NUP155: variants seen among roughly 807,000 people sequenced by gnomAD.
NUP155 encodes nucleoporin 155.
Under a neutral mutation model 180.4 loss-of-function variants are expected in NUP155, and 71 were observed. The ratio of observed to expected loss-of-function variants is 0.39; its 90% CI spans 0.33 to 0.48. The LOEUF (loss-of-function observed/expected upper bound fraction) is 0.48. NUP155 is among the 20% of genes least tolerant of loss of function. The pLI is 0.91. For synonymous variants in NUP155, 582 were observed against 559.5 expected, an observed-to-expected ratio of 1.04 and a Z score of -0.57; for missense variants, 1,553 against 1,648.9, an observed-to-expected ratio of 0.94 and a Z score of 1.01.
intron 4 of NUP155, among the ~76,000 whole-genome samples, chr5:37,355,563 T>A (rs9292652): frequency 0.14 from 20,402 of 142,906 alleles, 1,502 homozygotes; most frequent in South Asian, 0.18. Context: ...ATATATATAT[T>A]TATTTATTTG....
intron 32 of NUP155, among the ~76,000 whole-genome samples, chr5:37,295,153 TCTC>T (rs1363045542): frequency 6.6e-6 from 1 of 152,114 alleles, no homozygotes; most frequent in Non-Finnish European, 1.5e-5. Flanking sequence ...CCTGCCTGAT[TCTC>T]CTGCCTCAGC....
intron 22 of NUP155, among the ~76,000 whole-genome samples, chr5:37,312,048 T>C (rs1041302624): frequency 6.6e-5 from 10 of 151,886 alleles, no homozygotes; most frequent in Non-Finnish European, 7.4e-5. Context: ...AACAAACAAA[T>C]AAATAAATAT....
intron 3 of NUP155, among the ~76,000 whole-genome samples, chr5:37,362,120 C>T (rs530501250): frequency 2.0e-5 from 3 of 152,058 alleles, no homozygotes; most frequent in African/African-American, 4.8e-5. Context: ...TTTAGCAGCT[C>T]GGACTAAGAC....
chr5:37,344,321 G>A (rs1745933340), intron 9 of NUP155, among the ~76,000 whole-genome samples: 1 of 140,640 alleles, frequency 7.1e-6, no homozygotes, highest in Non-Finnish European at 1.5e-5. Context: ...CAGACTGGGT[G>A]ACAGAGCAAA....
In NUP155 at chr5:37,370,346, T is replaced by C. The variant is rs889858725; in HGVS notation, c.157+475A>G. 1.0e-3 allele frequency among the ~76,000 whole-genome samples: 159 copies of C among 152,350 alleles called. 1 individual carries two copies. The highest frequency in any genetic ancestry group is 3.6e-3 in the African/African-American group (149 of 41,586). ...GAGATCGCGCCATTGCACTTCAGCC[T>C]GGGCGAAGAGGGAACCGCTCCGTCT... On this transcript the variant is annotated intron_variant, in intron 1 of 34. Transcript: ENST00000231498.
intron 22 of NUP155, among the ~76,000 whole-genome samples, chr5:37,311,905 C>T (rs1417501768): frequency 6.6e-6 from 1 of 152,156 alleles, no homozygotes; most frequent in Non-Finnish European, 1.5e-5. Context: ...CCTGTAGTCC[C>T]AGCTACTCGG....
chr5:37,298,777 T>A, intron 32 of NUP155, 91 bp downstream of exon 32: 1 of 764,476 alleles, frequency 1.3e-6, no homozygotes, highest in Non-Finnish European at 2.3e-6. Context: ...AGAAACTCTT[T>A]ATTTTACTCG....
intron 13 of NUP155, among the ~76,000 whole-genome samples, chr5:37,332,382 C>T (rs981837123): frequency 5.3e-5 from 7 of 132,872 alleles, no homozygotes; most frequent in Non-Finnish European, 7.6e-5. Flanking sequence ...AGTGCAGTGG[C>T]GCAATCTCGG....
chr5:37,354,456 T>TC (rs1746678394), intron 4 of NUP155, among the ~76,000 whole-genome samples: 1 of 134,160 alleles, frequency 7.5e-6, no homozygotes, highest in African/African-American at 3.2e-5. Context: ...CTTTATTTCT[T>TC]CTTTTTTTTT....
chr5:37,334,611 C>T (rs987694137), intron 12 of NUP155, among the ~76,000 whole-genome samples: 1 of 152,088 alleles, frequency 6.6e-6, no homozygotes, highest in Non-Finnish European at 1.5e-5. Flanking sequence ...AAACTCCTGA[C>T]CTCAGGTGAT....
At chr5:37,346,054 T>C (rs778639303) in intron 9 of NUP155, among the ~76,000 whole-genome samples, 41 of 152,122 alleles carry the variant, frequency 2.7e-4, no homozygotes, top group Non-Finnish European at 4.9e-4. Context: ...AGAATTTTTT[T>C]CTTGTCACTG....
chr5:37,310,040 T>A (rs13166945), intron 23 of NUP155, among the ~76,000 whole-genome samples: 37,658 of 151,574 alleles, frequency 0.25, 5,090 homozygotes, highest in Middle Eastern at 0.4. Flanking sequence ...ATATTCTTTA[T>A]GAAAAACTTA....
intron 5 of NUP155, among the ~76,000 whole-genome samples, chr5:37,351,942 G>A (rs776009599): frequency 7.9e-5 from 12 of 152,050 alleles, no homozygotes; most frequent in Non-Finnish European, 1.6e-4. Flanking sequence ...AACTAACCCG[G>A]CCGGGTGCCG....
At chr5:37,346,618 G>A (rs576158481) in intron 9 of NUP155, among the ~76,000 whole-genome samples, 1 of 151,884 alleles carries the variant, frequency 6.6e-6, no homozygotes, top group East Asian at 1.9e-4. Flanking sequence ...GTTGTAGGGA[G>A]CCAAGTCGCG....
intron 9 of NUP155, among the ~76,000 whole-genome samples, chr5:37,342,995 G>C (rs1279328178): frequency 6.6e-6 from 1 of 152,172 alleles, no homozygotes; most frequent in East Asian, 1.9e-4. Flanking sequence ...CGCCCGCCTC[G>C]GCCTTCCAAA....
At chr5:37,293,355 C>T (rs1426777016) in intron 33 of NUP155, among the ~76,000 whole-genome samples, 4 of 152,012 alleles carry the variant, frequency 2.6e-5, no homozygotes, top group Non-Finnish European at 5.9e-5. Flanking sequence ...AGAGACTAAA[C>T]TAGCAGTAAC....
At chr5:37,347,009 C>T (rs1257751953) in intron 9 of NUP155, among the ~76,000 whole-genome samples, 2 of 152,130 alleles carry the variant, frequency 1.3e-5, no homozygotes, top group Non-Finnish European at 2.9e-5. Flanking sequence ...GGGTGTATTG[C>T]TTGAGTCCAG....
At chr5:37,327,578 C>T (rs778498195) in intron 18 of NUP155, 51 bp downstream of exon 18, 34 of 1,604,958 alleles carry the variant, frequency 2.1e-5, no homozygotes, top group Non-Finnish European at 2.8e-5. Context: ...TATTTAACTA[C>T]TCAAGATGGG....
chr5:37,302,855 C>G lies in NUP155; in HGVS notation c.3371G>C (p.Ser1124Thr). ...RLEYIARAIL[S>T]AKSSTAISSI... ...TGAAATGGCAGTGGAACTTTTGGCA[C>G]TAAGAATGGCTCGAGCAATGTACTC... is the stretch of plus-strand genomic sequence containing the variant. The change falls in exon 29 of 35, where the codon AGT becomes ACT. Residue 1124 changes from serine to threonine, a missense_variant. Transcript: ENST00000231498. 6.2e-7 allele frequency: 1 copy of G among 1,613,946 alleles called. No individual in the cohort carries two copies. The highest frequency in any genetic ancestry group is 1.7e-5 in the Admixed American group (1 of 60,012).
Sources: allele counts gnomAD v4.1 joint callset (sites outside exome capture counted in the v4.1 genomes callset), GRCh38; gene constraint gnomAD v4.1.1; transcripts MANE v1.5; gene names NCBI Gene and HGNC (gene_info 2026-07-23, HGNC 2026-07-21).